The following CPQ variants were observed in gnomAD, a reference collection of about 807,000 sequenced individuals.
CPQ encodes carboxypeptidase Q, also known as Ser-Met dipeptidase.
CPQ carries 37 observed loss-of-function variants against 45.7 expected under a neutral mutation model. The ratio of observed to expected loss-of-function variants is 0.81; its 90% CI spans 0.62 to 1.07. The LOEUF is 1.07. Ranked by LOEUF, CPQ falls within the 50% of genes least tolerant of loss-of-function variation. The probability of loss-of-function intolerance (pLI) is 0.00; values close to 1 mark genes in which losing one functional copy is unlikely to be tolerated. For synonymous variants in CPQ, 186 were observed against 205.8 expected, an observed-to-expected ratio of 0.90 and a Z score of 0.82; for missense variants, 537 against 572.9, an observed-to-expected ratio of 0.94 and a Z score of 0.64.
At chr8:96,894,770 T>C (rs956890113) in intron 4 of CPQ, among the ~76,000 whole-genome samples, 18 of 152,306 alleles carry the variant, frequency 1.2e-4, no homozygotes, top group African/African-American at 3.6e-4. Flanking sequence ...TTCCCTGTTT[T>C]CTTACTTCAC....
At chr8:97,129,595 T>C (rs1811906180) in intron 7 of CPQ, among the ~76,000 whole-genome samples, 1 of 152,104 alleles carries the variant, frequency 6.6e-6, no homozygotes, top group Admixed American at 6.6e-5. Flanking sequence ...GTAGGAATGC[T>C]ATTTCCCAAT....
chr8:96,911,679 C>A (rs1272143351), intron 4 of CPQ, among the ~76,000 whole-genome samples: 1 of 152,152 alleles, frequency 6.6e-6, no homozygotes, highest in African/African-American at 2.4e-5. Context: ...TTCCTGGCAA[C>A]AAAACTAAAT....
rs138621808 is a variant in CPQ, at chr8:96,757,547, C to G, written c.-34-27317C>G. 3.3e-3 allele frequency among the ~76,000 whole-genome samples: 504 copies of G among 151,736 alleles called. 7 individuals carry two copies. Among genetic ancestry groups the G allele is most frequent in the African/African-American group, 0.012 (479 of 41,490 alleles). On this transcript the variant is annotated intron_variant, in intron 1 of 7. Transcript: ENST00000220763. ...AAATTATATTTTCTTCAGTTTCATT[C>G]TGTTCTTCATTATTGTCAATATGCT...
intron 5 of CPQ, among the ~76,000 whole-genome samples, chr8:96,988,810 T>C (rs1462638233): frequency 1.3e-5 from 2 of 152,208 alleles, no homozygotes; most frequent in African/African-American, 4.8e-5. Context: ...TGCTGCATAG[T>C]AGCAATAAAA....
At chr8:96,858,619 C>T (rs534788506) in intron 3 of CPQ, among the ~76,000 whole-genome samples, 13 of 152,288 alleles carry the variant, frequency 8.5e-5, no homozygotes, top group Non-Finnish European at 1.5e-4. Context: ...TCAAGGCAGA[C>T]GGGTTGCTGG....
intron 2 of CPQ, among the ~76,000 whole-genome samples, chr8:96,801,665 G>T (rs1275802781): frequency 1.3e-5 from 2 of 152,070 alleles, no homozygotes; most frequent in Non-Finnish European, 2.9e-5. Flanking sequence ...CTAGGAGGAG[G>T]TTTTCCTTTT....
intron 1 of CPQ, among the ~76,000 whole-genome samples, chr8:96,724,658 A>G (rs948119190): frequency 6.6e-6 from 1 of 152,198 alleles, no homozygotes; most frequent in Non-Finnish European, 1.5e-5. Flanking sequence ...AAGAATCAAT[A>G]TCTTTAAAAT....
At chr8:96,667,832 A>G (rs781145973) in intron 1 of CPQ, among the ~76,000 whole-genome samples, 15 of 152,142 alleles carry the variant, frequency 9.9e-5, no homozygotes, top group African/African-American at 1.4e-4. Context: ...AGTCTTGTCT[A>G]ATTATCTAGA....
intron 7 of CPQ, among the ~76,000 whole-genome samples, chr8:97,135,578 T>C (rs1812040061): frequency 6.6e-6 from 1 of 152,160 alleles, no homozygotes; most frequent in African/African-American, 2.4e-5. Flanking sequence ...TTTTTAGTAT[T>C]TTAAGGATTC....
chr8:96,855,960 C>T (rs1280333320), intron 3 of CPQ, among the ~76,000 whole-genome samples: 1 of 152,104 alleles, frequency 6.6e-6, no homozygotes, highest in African/African-American at 2.4e-5. Flanking sequence ...GCTGGTGCAA[C>T]AGATCAACGG....
At chr8:96,840,718 G>T (rs926669652) in intron 3 of CPQ, among the ~76,000 whole-genome samples, 1 of 152,194 alleles carries the variant, frequency 6.6e-6, no homozygotes, top group African/African-American at 2.4e-5. Context: ...GGAATGGAAA[G>T]AAATCAGCAG....
chr8:96,795,561 C>T (rs1373838168), intron 2 of CPQ, among the ~76,000 whole-genome samples: 2 of 152,056 alleles, frequency 1.3e-5, no homozygotes, highest in Non-Finnish European at 2.9e-5. Flanking sequence ...AACTTGTGTT[C>T]ACACTGCATA....
intron 2 of CPQ, among the ~76,000 whole-genome samples, chr8:96,818,254 C>T (rs1262554257): frequency 4.0e-5 from 6 of 151,818 alleles, no homozygotes; most frequent in African/African-American, 1.4e-4. Context: ...ATCAACCTTC[C>T]GGACAAGTCA....
chr8:97,019,154 C>A (rs753653337), intron 5 of CPQ, among the ~76,000 whole-genome samples: 2 of 152,180 alleles, frequency 1.3e-5, no homozygotes, highest in Admixed American at 1.3e-4. Context: ...AAGAAAGATA[C>A]AGCCTTTTTC....
intron 1 of CPQ, among the ~76,000 whole-genome samples, chr8:96,668,704 AAATAT>A (rs1329173184): frequency 1.3e-5 from 2 of 152,190 alleles, no homozygotes; most frequent in Non-Finnish European, 2.9e-5. Context: ...TATATAAAAC[AAATAT>A]AAGAAGACTC....
intron 1 of CPQ, among the ~76,000 whole-genome samples, chr8:96,692,830 A>G (rs111244763): frequency 0.024 from 3,694 of 152,202 alleles, 165 homozygotes; most frequent in African/African-American, 0.084. Context: ...CAGAAAACAT[A>G]ATCTCACCAA....
intron 7 of CPQ, among the ~76,000 whole-genome samples, chr8:97,108,855 C>T (rs1586545168): frequency 6.6e-6 from 1 of 152,204 alleles, no homozygotes; most frequent in East Asian, 1.9e-4. Context: ...GAGGATTCTC[C>T]ACCACATTTT....
intron 6 of CPQ, among the ~76,000 whole-genome samples, chr8:97,063,517 T>C (rs1263434038): frequency 6.6e-6 from 1 of 152,222 alleles, no homozygotes; most frequent in African/African-American, 2.4e-5. Flanking sequence ...GCGATTGCTT[T>C]TGGCATCTTT....
chr8:96,679,063 G>A (rs953556758), intron 1 of CPQ, among the ~76,000 whole-genome samples: 6 of 151,962 alleles, frequency 3.9e-5, no homozygotes, highest in East Asian at 3.9e-4. Flanking sequence ...TATTTAATCC[G>A]TTTTGAGTTT....
Sources: gnomAD v4.1 joint callset for allele counts (sites outside exome capture counted in the v4.1 genomes callset) on GRCh38, gnomAD v4.1.1 for gene constraint, MANE v1.5 for transcripts, NCBI Gene and HGNC (gene_info 2026-07-23, HGNC 2026-07-21) for gene names.